The following TCF7L1 variants were observed in gnomAD, a reference collection of about 807,000 sequenced individuals.
TCF7L1 encodes the protein transcription factor 7 like 1, also known as transcription factor 7-like 1.
TCF7L1 carries 18 observed loss-of-function variants against 63.7 expected under a neutral mutation model. That is an observed-to-expected ratio of 0.28 (90% CI 0.20 to 0.42). The LOEUF (loss-of-function observed/expected upper bound fraction) is 0.42. Ranked by LOEUF, TCF7L1 falls within the 10% of genes least tolerant of loss-of-function variation. The pLI is 1.00. For missense variants in TCF7L1, 654 were observed against 779.3 expected (o/e 0.84, Z 1.91); for synonymous variants, 355 against 340.9 (o/e 1.04, Z -0.46).
chr2:85,279,195 C>A (rs1199735967), intron 3 of TCF7L1, among the ~76,000 whole-genome samples: 1 of 152,222 alleles, frequency 6.6e-6, no homozygotes, highest in East Asian at 1.9e-4. Flanking sequence ...TCACTTACTT[C>A]CCCAAGGACA....
intron 3 of TCF7L1, among the ~76,000 whole-genome samples, chr2:85,143,594 G>T (rs1391694238): frequency 6.6e-6 from 1 of 152,158 alleles, no homozygotes; most frequent in African/African-American, 2.4e-5. Flanking sequence ...CAAGTATCTC[G>T]TACAAGGTTA....
intron 3 of TCF7L1, among the ~76,000 whole-genome samples, chr2:85,226,024 A>G (rs1057429594): frequency 6.6e-6 from 1 of 152,194 alleles, no homozygotes; most frequent in Non-Finnish European, 1.5e-5. Context: ...TTCTGCGTCT[A>G]TTGAGATAAT....
chr2:85,248,504 A>G (rs1321572111), intron 3 of TCF7L1, among the ~76,000 whole-genome samples: 1 of 152,154 alleles, frequency 6.6e-6, no homozygotes, highest in Admixed American at 6.5e-5. Context: ...GGCTGTTTCC[A>G]TGGGCCCTGG....
intron 3 of TCF7L1, among the ~76,000 whole-genome samples, chr2:85,237,326 G>A (rs1680216316): frequency 6.6e-6 from 1 of 152,066 alleles, no homozygotes; most frequent in South Asian, 2.1e-4. Flanking sequence ...TTATAACAAG[G>A]ATCCTTCACT....
At position 85,279,755 on chromosome 2, in the gene TCF7L1, C is replaced by T. The variant is rs1681367013; in HGVS notation, c.442-3740C>T. On this transcript the variant is annotated intron_variant, in intron 3 of 11. Coordinates refer to ENST00000282111, the MANE Select transcript of TCF7L1 (RefSeq NM_031283.3). ...TCCTGCCTCCCAGAGTGAGTCCCTC[C>T]CTACACACCGCCCCTGCACCACCCC... Among the ~76,000 whole-genome samples the T allele has an allele frequency of 2.6e-5, 4 of 152,154 alleles. No homozygotes were observed. In the South Asian group the frequency reaches 8.3e-4, roughly 32 times the overall value.
At chr2:85,221,648 G>A (rs997109446) in intron 3 of TCF7L1, among the ~76,000 whole-genome samples, 50 of 152,250 alleles carry the variant, frequency 3.3e-4, no homozygotes, top group African/African-American at 9.9e-4. Context: ...CCCACAATAA[G>A]GGCATTAATA....
intron 3 of TCF7L1, among the ~76,000 whole-genome samples, chr2:85,225,856 G>A (rs1008202976): frequency 9.2e-5 from 14 of 152,172 alleles, no homozygotes; most frequent in Admixed American, 7.2e-4. Flanking sequence ...TCTTGTGCCG[G>A]TTTTCAAAGG....
At chr2:85,294,026 A>AGTTTTTTTTTT (rs1681785743) in intron 4 of TCF7L1, among the ~76,000 whole-genome samples, 1 of 59,484 alleles carries the variant, frequency 1.7e-5, no homozygotes, top group African/African-American at 6.4e-5. Flanking sequence ...GAACACTGGG[A>AGTTTTTTTTTT]TTTTTTTTTT....
intron 4 of TCF7L1, among the ~76,000 whole-genome samples, chr2:85,293,051 A>G (rs1453880553): frequency 6.6e-6 from 1 of 152,220 alleles, no homozygotes; most frequent in Non-Finnish European, 1.5e-5. Flanking sequence ...ACCAGTGGCT[A>G]TCCAGGTCAT....
chr2:85,257,141 G>A (rs1226587590), intron 3 of TCF7L1, among the ~76,000 whole-genome samples: 1 of 152,028 alleles, frequency 6.6e-6, no homozygotes, highest in Non-Finnish European at 1.5e-5. Context: ...TTGAGCCCAG[G>A]AGTTCGAGGC....
intron 3 of TCF7L1, among the ~76,000 whole-genome samples, chr2:85,236,163 A>AT (rs1680185938): frequency 1.5e-5 from 2 of 133,044 alleles, no homozygotes; most frequent in African/African-American, 8.2e-5. Flanking sequence ...AAACCACGCC[A>AT]TCCCCCCCCC....
intron 3 of TCF7L1, among the ~76,000 whole-genome samples, chr2:85,213,362 A>G (rs560453541): frequency 1.2e-4 from 19 of 152,282 alleles, no homozygotes; most frequent in African/African-American, 1.7e-4. Flanking sequence ...CTATAATTCT[A>G]TGGTTTCCAC....
intron 3 of TCF7L1, among the ~76,000 whole-genome samples, chr2:85,269,832 A>T (rs1360348389): frequency 4.6e-5 from 7 of 152,216 alleles, no homozygotes; most frequent in Admixed American, 4.6e-4. Context: ...GTGCACCCAC[A>T]TTTGCATACA....
At chr2:85,193,831 G>A (rs531978179) in intron 3 of TCF7L1, among the ~76,000 whole-genome samples, 21 of 152,300 alleles carry the variant, frequency 1.4e-4, no homozygotes, top group African/African-American at 4.6e-4. Flanking sequence ...GGGGAAAAAT[G>A]CATATAGAGA....
At chr2:85,281,989 CT>C (rs112526651) in intron 3 of TCF7L1, among the ~76,000 whole-genome samples, 1 of 151,236 alleles carries the variant, frequency 6.6e-6, no homozygotes, top group Non-Finnish European at 1.5e-5. Flanking sequence ...TCAAAGGCTT[CT>C]TTTTTTTTCT....
intron 3 of TCF7L1, among the ~76,000 whole-genome samples, chr2:85,227,864 C>T (rs1248173517): frequency 1.3e-5 from 2 of 151,730 alleles, no homozygotes; most frequent in Non-Finnish European, 2.9e-5. Context: ...TGGTGCCGTG[C>T]ACCTGTAGTC....
At position 85,290,955 on chromosome 2, in the gene TCF7L1, C is replaced by T. The variant is rs1681700847; in HGVS notation, c.525+7377C>T. 2.0e-5 allele frequency among the ~76,000 whole-genome samples: 3 copies of T among 152,228 alleles called. No individual in the cohort carries two copies. The South Asian group carries it at 6.2e-4, about 32-fold the overall frequency. ...GGCGGCAGCCACACCTTGTGAATCC[C>T]CTCTTGGGGTCATTCTTCCCTCTTC... is the stretch of plus-strand genomic sequence containing the variant. On this transcript the variant is annotated intron_variant, in intron 4 of 11. Transcript: ENST00000282111.
At chr2:85,281,216 G>A (rs1681411315) in intron 3 of TCF7L1, among the ~76,000 whole-genome samples, 1 of 151,978 alleles carries the variant, frequency 6.6e-6, no homozygotes, top group Non-Finnish European at 1.5e-5. Context: ...TAAGAGACGG[G>A]GTTTCACCAT....
chr2:85,293,600 T>C (rs373399753), intron 4 of TCF7L1, among the ~76,000 whole-genome samples: 1 of 152,276 alleles, frequency 6.6e-6, no homozygotes, highest in African/African-American at 2.4e-5. Context: ...GACTAATACG[T>C]AGGGGCAAGT....
Sources: allele counts gnomAD v4.1 joint callset (sites outside exome capture counted in the v4.1 genomes callset), GRCh38; gene constraint gnomAD v4.1.1; transcripts MANE v1.5; gene names NCBI Gene and HGNC (gene_info 2026-07-23, HGNC 2026-07-21).